TSKU: variants seen among roughly 807,000 people sequenced by gnomAD.
TSKU encodes the protein tsukushi.
A neutral mutation model predicts 11.2 loss-of-function variants in TSKU; 4 were observed. The observed-to-expected ratio is 0.36, with a 90% CI of 0.18 to 0.82. The LOEUF (loss-of-function observed/expected upper bound fraction) is 0.82, where lower values mean the gene tolerates loss of function less well. Ranked by LOEUF, TSKU falls within the 40% of genes least tolerant of loss-of-function variation. The pLI, the probability that TSKU is intolerant of heterozygous loss-of-function variation, is 0.50. For synonymous variants in TSKU, 220 were observed against 232.2 expected (o/e 0.95, Z 0.48); for missense variants, 407 against 482.5 (o/e 0.84, Z 1.47).
In TSKU at chr11:76,796,129, C is replaced by A; in HGVS notation, c.513C>A (p.Arg171=). Residue 171 remains arginine (R), a synonymous_variant, in exon 2 of 2, where the codon CGC becomes CGA. Transcript: ENST00000333090. The surrounding 1 kb of genome is among the most constrained non-coding windows in gnomAD (Gnocchi z 4.1). The stretch of plus-strand genomic sequence containing the variant: ...ACCTCTCCCACAACCTCATTCACCG[C>A]CTCGTGCCCCACCCCACGAGGGCCG... ...HVDLSHNLIH[R]LVPHPTRAGL... is the part of the protein sequence containing the mutation. 1 of 1,613,968 alleles carries A rather than the reference C, an allele frequency of 6.2e-7. No individual in the cohort carries two copies. The highest frequency in any genetic ancestry group is 8.5e-7 in the Non-Finnish European group (1 of 1,180,044).
In TSKU at chr11:76,796,786, A is replaced by T; in HGVS notation, c.*108A>T. ...ACACCAGTGGGGAGCCCGCAGGCCT[A>T]TGTGGCAGCGTCACCACAGGAGTTG... On this transcript the variant is annotated 3_prime_UTR_variant, in exon 2 of 2. Coordinates refer to ENST00000333090, the MANE Select transcript of TSKU (RefSeq NM_015516.4). This position sits in a 1 kb window ranked among gnomAD's most constrained non-coding sequence, Gnocchi z 4.1. The T allele has an allele frequency of 1.2e-6, 1 of 854,740 alleles. No individual in the cohort carries two copies. The highest frequency in any genetic ancestry group is 4.0e-5 in the South Asian group (1 of 24,754). 52.9% of individuals were successfully genotyped at this position (854,740 alleles called of 1,614,324 possible). A position where few individuals can be genotyped will look rare whatever the true frequency, so the allele number is the denominator to read the frequency against.
chr11:76,788,192 T>C (rs1243999642), intron 1 of TSKU, among the ~76,000 whole-genome samples: 2 of 151,310 alleles, frequency 1.3e-5, no homozygotes, highest in East Asian at 3.9e-4. Context: ...GAGGCAGCTC[T>C]GTGTTGAGGA....
chr11:76,786,267 T>A (rs1944311329), intron 1 of TSKU, among the ~76,000 whole-genome samples: 1 of 152,216 alleles, frequency 6.6e-6, no homozygotes, highest in South Asian at 2.1e-4. Flanking sequence ...GCCACAGAAG[T>A]GGGCCAGTAC....
intron 1 of TSKU, among the ~76,000 whole-genome samples, chr11:76,785,564 G>A (rs929085647): frequency 6.6e-6 from 1 of 152,194 alleles, no homozygotes; most frequent in Non-Finnish European, 1.5e-5. Context: ...CATGAAAACA[G>A]CACAGGTGGT....
chr11:76,792,626 T>C (rs1944387404), intron 1 of TSKU: 1 of 152,316 alleles, frequency 6.6e-6, no homozygotes, highest in Admixed American at 6.5e-5. Flanking sequence ...ATTCTCGTGA[T>C]AGTGAATAAG....
At chr11:76,793,460 A>G (rs572233459) in intron 1 of TSKU, among the ~76,000 whole-genome samples, 3 of 152,354 alleles carry the variant, frequency 2.0e-5, no homozygotes, top group Admixed American at 2.0e-4. Flanking sequence ...TGCTGGTTAC[A>G]TAAGTGGGAG....
At chr11:76,791,395 A>G (rs949786539) in intron 1 of TSKU, among the ~76,000 whole-genome samples, 4 of 152,222 alleles carry the variant, frequency 2.6e-5, no homozygotes, top group African/African-American at 7.2e-5. Context: ...TCTCCAGGGC[A>G]TGTCAGAGTT....
At chr11:76,791,443 T>C (rs775119458) in intron 1 of TSKU, among the ~76,000 whole-genome samples, 4 of 151,316 alleles carry the variant, frequency 2.6e-5, no homozygotes, top group Non-Finnish European at 5.9e-5. Context: ...CCTGGAGGCG[T>C]AGGAGGAAAA....
At chr11:76,785,499 A>C (rs1228959647) in intron 1 of TSKU, among the ~76,000 whole-genome samples, 1 of 152,218 alleles carries the variant, frequency 6.6e-6, no homozygotes, top group African/African-American at 2.4e-5. Flanking sequence ...CAGTGGGTAC[A>C]CAGGGGAGGC....
rs1456564306 is a variant in TSKU at position 76,795,978 on chromosome 11, C to T, written c.362C>T (p.Thr121Ile). 6.2e-7 allele frequency: 1 copy of T among 1,613,930 alleles called. No homozygotes were observed. Among genetic ancestry groups the T allele is most frequent in the Admixed American group, 1.7e-5 (1 of 60,036 alleles). ...ESLDLSHNGLTALPAESFTSS... is the reference protein window; with the variant it reads ...ESLDLSHNGLIALPAESFTSS... ...CTTGACCTCAGCCACAATGGCCTGACAGCCCTGCCAGCCGAGAGCTTCACC... is the reference window on the plus strand; with the variant it reads ...CTTGACCTCAGCCACAATGGCCTGATAGCCCTGCCAGCCGAGAGCTTCACC... Residue 121 changes from threonine to isoleucine, a missense_variant, in exon 2 of 2, where the codon ACA (threonine) becomes ATA (isoleucine). Coordinates refer to ENST00000333090, the MANE Select transcript of TSKU (RefSeq NM_015516.4).
chr11:76,794,752 G>A (rs73503690), intron 1 of TSKU, among the ~76,000 whole-genome samples: 8,079 of 152,298 alleles, frequency 0.053, 274 homozygotes, highest in African/African-American at 0.087. Context: ...GGACACCCAC[G>A]TTGGACACCA....
At chr11:76,788,092 G>C (rs577447103) in intron 1 of TSKU, among the ~76,000 whole-genome samples, 1 of 152,284 alleles carries the variant, frequency 6.6e-6, no homozygotes, top group East Asian at 1.9e-4. Flanking sequence ...CTGACAAAGT[G>C]GTTGGAGGGC....
chr11:76,783,625 C>T (rs960707943), intron 1 of TSKU, among the ~76,000 whole-genome samples: 4 of 152,304 alleles, frequency 2.6e-5, no homozygotes, highest in African/African-American at 9.6e-5. Flanking sequence ...GAGACAAAGG[C>T]TACGCCCAGG....
chr11:76,794,791 C>T (rs1037076244), intron 1 of TSKU, among the ~76,000 whole-genome samples: 2 of 152,210 alleles, frequency 1.3e-5, no homozygotes, highest in African/African-American at 4.8e-5. Flanking sequence ...GAAGTTCCTG[C>T]CCCTGGATGA....
chr11:76,784,949 G>A lies in TSKU; in HGVS notation c.-9+1545G>A, dbSNP rs995056847. On this transcript the variant is annotated intron_variant, in intron 1 of 1. Coordinates refer to ENST00000333090, the MANE Select transcript of TSKU (RefSeq NM_015516.4). ...GTGGGCATTTTCCTTTCCCTCTCCG[G>A]CCTCAGTTTCCCTTCTGGAAGGGGA... Among the ~76,000 whole-genome samples, 11 of 152,344 alleles carry A rather than the reference G, an allele frequency of 7.2e-5. No individual in the cohort carries two copies. In the East Asian group the frequency reaches 1.9e-3, roughly 27 times the overall value.
In TSKU at chr11:76,796,878, G is replaced by A. The variant is rs373336588; in HGVS notation, c.*200G>A. ...AGCAAAGTCTCACCCCTTTGTCTACGTTGCTTCCCCAAACCATGAGCAGAG... is the reference window on the plus strand; with the variant it reads ...AGCAAAGTCTCACCCCTTTGTCTACATTGCTTCCCCAAACCATGAGCAGAG... On this transcript the variant is annotated 3_prime_UTR_variant, in exon 2 of 2. Transcript: ENST00000333090. This position sits in a 1 kb window ranked among gnomAD's most constrained non-coding sequence, Gnocchi z 4.1. The A allele has an allele frequency of 7.7e-5, 33 of 430,288 alleles. No individual in the cohort carries two copies. Among genetic ancestry groups the A allele is most frequent in the Middle Eastern group, 6.2e-4 (1 of 1,616 alleles). 26.7% of individuals were successfully genotyped at this position (430,288 alleles called of 1,614,324 possible).
chr11:76,790,245 G>A (rs567270826), intron 1 of TSKU, among the ~76,000 whole-genome samples: 1 of 152,116 alleles, frequency 6.6e-6, no homozygotes. Flanking sequence ...GGCAGAGCAG[G>A]CACTGAGACC....
intron 1 of TSKU, among the ~76,000 whole-genome samples, chr11:76,794,860 C>T (rs1273134901): frequency 6.6e-6 from 1 of 152,140 alleles, no homozygotes; most frequent in African/African-American, 2.4e-5. Context: ...ACTGCAGGCC[C>T]CATTGCAGGG....
Position 76,796,186 on chromosome 11 carries a change from C to A in TSKU, c.570C>A (p.Asn190Lys), listed in dbSNP as rs745966446. The change falls in exon 2 of 2, where the codon AAC becomes AAA. Residue 190 changes from asparagine (N) to lysine (K), a missense_variant. Asn to Lys is a moderately conservative substitution (Grantham distance 94, BLOSUM62 0). Transcript: ENST00000333090. The surrounding 1 kb of genome is among the most constrained non-coding windows in gnomAD (Gnocchi z 4.1). ...CTGCGCCCACCATTCAGAGCCTGAA[C>A]CTGGCCTGGAACCGGCTCCATGCCG... is the stretch of plus-strand genomic sequence containing the variant. ...GLPAPTIQSL[N>K]LAWNRLHAVP... The A allele has an allele frequency of 1.2e-6, 2 of 1,613,736 alleles. No homozygotes were observed. The highest frequency in any genetic ancestry group is 2.2e-5 in the South Asian group (2 of 91,074).
Sources: gnomAD v4.1 joint callset for allele counts (sites outside exome capture counted in the v4.1 genomes callset) on GRCh38, gnomAD v4.1.1 for gene constraint, Gnocchi (gnomAD v3.1) non-coding constraint, MANE v1.5 for transcripts, NCBI Gene and HGNC (gene_info 2026-07-23, HGNC 2026-07-21) for gene names.